Variants in DMBT1 observed in about 807,000 individuals in gnomAD.
The protein encoded by DMBT1 is deleted in malignant brain tumors 1.
Under a neutral mutation model 252.9 loss-of-function variants are expected in DMBT1, and 198 were observed. That is an observed-to-expected ratio of 0.78 (90% CI 0.70 to 0.88). The LOEUF is 0.88. DMBT1 is among the 40% of genes least tolerant of loss of function. The pLI is 0.00. For synonymous variants in DMBT1, 990 were observed against 942.7 expected (o/e 1.05, Z -0.92); for missense variants, 2,432 against 2,404.7 (o/e 1.01, Z -0.24).
At chr10:122,572,212 A>G (rs2097670433) in intron 4 of DMBT1, 102 bp from the exon 5 acceptor site, 14 of 1,512,698 alleles carry the variant, frequency 9.3e-6, no homozygotes, top group Non-Finnish European at 1.3e-5. Flanking sequence ...TGCCTTTAGG[A>G]CCTGTGTTTC....
chr10:122,631,468 A>G (rs1156760543), intron 49 of DMBT1, among the ~76,000 whole-genome samples, 187 bp downstream of exon 49: 3 of 152,348 alleles, frequency 2.0e-5, no homozygotes, highest in South Asian at 2.1e-4. Context: ...ACCCAGGGCC[A>G]TTATGCTGAA....
At chr10:122,580,453 C>G (rs969057235) in intron 10 of DMBT1, among the ~76,000 whole-genome samples, 5 of 152,170 alleles carry the variant, frequency 3.3e-5, no homozygotes, top group African/African-American at 1.2e-4. Context: ...TGCCTGTGTT[C>G]TAGGTCTGGT....
At chr10:122,631,423 T>G (rs2098164360) in intron 49 of DMBT1, 142 bp downstream of exon 49, 1 of 1,044,414 alleles carries the variant, frequency 9.6e-7, no homozygotes, top group Non-Finnish European at 1.4e-6. Flanking sequence ...CAGAAGAGCA[T>G]GCAGGGGGCT....
intron 21 of DMBT1, among the ~76,000 whole-genome samples, 158 bp downstream of exon 21, chr10:122,593,756 G>A (rs575237885): frequency 6.1e-5 from 9 of 148,222 alleles, no homozygotes; most frequent in African/African-American, 1.7e-4. Context: ...CCAGCACAGC[G>A]CTTTTTAAAC....
At chr10:122,570,840 C>T in intron 3 of DMBT1, 50 bp from the exon 4 acceptor site, 14 of 1,598,836 alleles carry the variant, frequency 8.8e-6, no homozygotes, top group Non-Finnish European at 1.2e-5. Flanking sequence ...GACCAACCCT[C>T]CCCAAACAAG....
In DMBT1 at chr10:122,617,369, G is replaced by C. The variant is rs1163201083; in HGVS notation, c.4891+109G>C. The C allele has an allele frequency of 5.3e-6, 7 of 1,329,664 alleles. No homozygotes were observed. The Admixed American group carries it at 9.1e-5, about 17-fold the overall frequency. 82.4% of individuals were successfully genotyped at this position (1,329,664 alleles called of 1,614,324 possible). A position where few individuals can be genotyped will look rare whatever the true frequency, so the allele number is the denominator to read the frequency against. On this transcript the variant is annotated intron_variant, in intron 40 of 55. Transcript: ENST00000338354. ...TGGGCCCCTCTCTTTTCATGTCCCT[G>C]TGGGTTGGGTGGGAGGAAGGTGGAG...
intron 55 of DMBT1, among the ~76,000 whole-genome samples, chr10:122,642,859 G>A (rs1197743603): frequency 6.6e-6 from 1 of 152,208 alleles, no homozygotes; most frequent in Admixed American, 6.5e-5. Context: ...AACCCACTGT[G>A]CAGTATGGGA....
At chr10:122,585,836 T>C (rs1218059745) in intron 15 of DMBT1, among the ~76,000 whole-genome samples, 1 of 148,672 alleles carries the variant, frequency 6.7e-6, no homozygotes, top group Non-Finnish European at 1.5e-5. Flanking sequence ...TCCTGTTAAC[T>C]CCAGTAGGGT....
chr10:122,618,249 A>G lies in DMBT1; in HGVS notation c.5124A>G (p.Ser1708=). The change falls in exon 41 of 56, where the codon TCA becomes TCG. Residue 1708 remains serine (S), a synonymous_variant. Transcript: ENST00000338354. ...GPIVLDDVRC[S]GHESYLWSCP... ...TTGTCCTGGATGATGTGCGCTGCTC[A>G]GGACACGAGTCTTACCTGTGGAGCT... The G allele has an allele frequency of 1.9e-6, 3 of 1,613,798 alleles. No homozygotes were observed. The highest frequency in any genetic ancestry group is 2.5e-6 in the Non-Finnish European group (3 of 1,179,762).
rs765298946 is a variant in DMBT1, at chr10:122,643,319, C to T, written c.7550C>T (p.Ser2517Phe). 19 of 1,613,850 alleles carry T rather than the reference C, an allele frequency of 1.2e-5. No individual in the cohort carries two copies. Among genetic ancestry groups the T allele is most frequent in the East Asian group, 4.5e-5 (2 of 44,882 alleles). ...CVLRSKRDVG[S>F]YQEKVDVVLG... The stretch of plus-strand genomic sequence containing the variant: ...TTGAGGTCGAAGAGGGATGTGGGCT[C>T]CTACCAGGAAAAGGTGGACGTCGTC... Residue 2517 changes from serine to phenylalanine, a missense_variant, in exon 56 of 56, where the codon TCC (serine) becomes TTC (phenylalanine). Transcript: ENST00000338354.
At chr10:122,637,626 C>A (rs2684745) in intron 54 of DMBT1, among the ~76,000 whole-genome samples, 38,285 of 152,114 alleles carry the variant, frequency 0.25, 5,166 homozygotes, top group African/African-American at 0.35. Flanking sequence ...GGGCCTGAAG[C>A]TTATACAGTT....
At chr10:122,624,851 G>A (rs2098104744) in intron 44 of DMBT1, among the ~76,000 whole-genome samples, 1 of 152,046 alleles carries the variant, frequency 6.6e-6, no homozygotes, top group East Asian at 1.9e-4. Flanking sequence ...TGTTCAGATG[G>A]GCCTCCAAGA....
chr10:122,576,921 G>A (rs2097717455), intron 7 of DMBT1, among the ~76,000 whole-genome samples, 199 bp downstream of exon 7: 1 of 152,226 alleles, frequency 6.6e-6, no homozygotes, highest in Admixed American at 6.5e-5. Flanking sequence ...AGAGAATATA[G>A]TAACAGGTTT....
chr10:122,634,822 A>G (rs1379569492), intron 52 of DMBT1, among the ~76,000 whole-genome samples: 1 of 152,118 alleles, frequency 6.6e-6, no homozygotes. Flanking sequence ...TATATGATTT[A>G]TCCAAGGAGG....
intron 1 of DMBT1, among the ~76,000 whole-genome samples, chr10:122,564,721 G>A (rs531527367): frequency 1.3e-4 from 20 of 151,816 alleles, no homozygotes; most frequent in South Asian, 4.2e-4. Context: ...TAAGAGTACT[G>A]TATTTTATTT....
At chr10:122,572,261 C>T in intron 4 of DMBT1, 53 bp from the exon 5 acceptor site, 1 of 1,609,240 alleles carries the variant, frequency 6.2e-7, no homozygotes, top group South Asian at 1.1e-5. Context: ...ATGGACCAAC[C>T]CTCTTCAAGC....
intron 1 of DMBT1, among the ~76,000 whole-genome samples, chr10:122,563,913 G>T (rs542042544): frequency 2.0e-5 from 3 of 152,292 alleles, no homozygotes; most frequent in Non-Finnish European, 4.4e-5. Context: ...GTGTTTAAAT[G>T]GCCGAGTTTT....
At chr10:122,579,487 G>C (rs1176960510) in intron 9 of DMBT1, 91 bp from the exon 10 acceptor site, 2 of 1,595,122 alleles carry the variant, frequency 1.3e-6, no homozygotes, top group African/African-American at 2.7e-5. Flanking sequence ...AGGTGACTTA[G>C]TTCATTAGGA....
At chr10:122,620,214 A>T in intron 42 of DMBT1, 39 bp from the exon 43 acceptor site, 1 of 1,609,224 alleles carries the variant, frequency 6.2e-7, no homozygotes, top group Non-Finnish European at 8.5e-7. Context: ...TTCCTCCCTC[A>T]AGTCTAATTT....
Sources: gnomAD v4.1 joint callset for allele counts (sites outside exome capture counted in the v4.1 genomes callset) on GRCh38, gnomAD v4.1.1 for gene constraint, MANE v1.5 for transcripts, NCBI Gene and HGNC (gene_info 2026-07-23, HGNC 2026-07-21) for gene names.